The following SAMD12 variants were observed in gnomAD, a reference collection of about 807,000 sequenced individuals.
SAMD12 encodes the protein sterile alpha motif domain-containing protein 12.
In SAMD12, 9 loss-of-function variants were observed where a neutral mutation model predicts 15.0. The ratio of observed to expected loss-of-function variants is 0.60; its 90% CI spans 0.36 to 1.05. The LOEUF (loss-of-function observed/expected upper bound fraction) is 1.05, where lower values mean the gene tolerates loss of function less well. Ranked by LOEUF, SAMD12 falls within the 50% of genes least tolerant of loss-of-function variation. The pLI is 0.01. For synonymous variants in SAMD12, 86 were observed against 90.1 expected (o/e 0.96, Z 0.25); for missense variants, 230 against 234.2 (o/e 0.98, Z 0.12).
intron 4 of SAMD12, among the ~76,000 whole-genome samples, chr8:118,210,765 CCA>C (rs1811796202): frequency 6.6e-6 from 1 of 152,114 alleles, no homozygotes; most frequent in Non-Finnish European, 1.5e-5. Flanking sequence ...ATCCTTCTGC[CCA>C]AATTCTACCC....
intron 2 of SAMD12, among the ~76,000 whole-genome samples, chr8:118,465,565 G>A (rs1269820203): frequency 6.6e-6 from 1 of 152,086 alleles, no homozygotes; most frequent in Non-Finnish European, 1.5e-5. Context: ...CACACACACA[G>A]CAAAGGGTAA....
At chr8:118,321,068 CAAG>C (rs1158379615) in intron 4 of SAMD12, among the ~76,000 whole-genome samples, 23 of 139,242 alleles carry the variant, frequency 1.7e-4, no homozygotes, top group African/African-American at 5.6e-4. Context: ...TGAATTTCAG[CAAG>C]AAGTTGATGA....
At chr8:118,163,767 C>A in the SAMD12 span, among the ~76,000 whole-genome samples, 1 of 152,100 alleles carries the variant, frequency 6.6e-6, no homozygotes, top group Non-Finnish European at 1.5e-5. Flanking sequence ...CCCAGCTACT[C>A]AGGAGGCTGA....
intron 3 of SAMD12, among the ~76,000 whole-genome samples, chr8:118,434,327 TG>T (rs373234468): frequency 1.3e-4 from 20 of 152,374 alleles, no homozygotes; most frequent in African/African-American, 4.3e-4. Flanking sequence ...GATACTCATA[TG>T]ACAACTATTT....
intron 1 of SAMD12, among the ~76,000 whole-genome samples, chr8:118,588,625 C>T (rs1379313003): frequency 2.0e-5 from 3 of 152,280 alleles, no homozygotes; most frequent in East Asian, 3.9e-4. Flanking sequence ...ACACAGACCA[C>T]GTGGCCTGCA....
chr8:118,448,750 A>G (rs9656928), intron 2 of SAMD12, among the ~76,000 whole-genome samples: 104,681 of 152,076 alleles, frequency 0.69, 36,138 homozygotes, highest in Middle Eastern at 0.75. Context: ...GTGATGTGAT[A>G]AAACAAACTT....
At chr8:118,374,855 C>T (rs557943649), downstream of SAMD12, among the ~76,000 whole-genome samples, 4 of 151,616 alleles carry the variant, frequency 2.6e-5, no homozygotes, top group Admixed American at 2.0e-4. Context: ...GAGTTATAGA[C>T]GTTTCTTATA....
chr8:118,235,993 T>C (rs1044805926), intron 4 of SAMD12, among the ~76,000 whole-genome samples: 9 of 152,194 alleles, frequency 5.9e-5, no homozygotes, highest in African/African-American at 2.2e-4. Flanking sequence ...CTAATCTCTT[T>C]AAGCCTCTTA....
At chr8:118,544,081 T>G (rs1484523690) in intron 2 of SAMD12, among the ~76,000 whole-genome samples, 1 of 150,674 alleles carries the variant, frequency 6.6e-6, no homozygotes, top group Non-Finnish European at 1.5e-5. Context: ...CACCCAAAAC[T>G]GAAACTCTCC....
At chr8:118,365,654 G>A (rs1818725767) in intron 4 of SAMD12, among the ~76,000 whole-genome samples, 1 of 151,842 alleles carries the variant, frequency 6.6e-6, no homozygotes, top group Admixed American at 6.6e-5. Context: ...CAGATCGTGG[G>A]ACTTCTCAGC....
chr8:118,449,718 G>C (rs371676193), intron 2 of SAMD12, among the ~76,000 whole-genome samples: 1 of 148,314 alleles, frequency 6.7e-6, no homozygotes, highest in African/African-American at 2.5e-5. Flanking sequence ...GGAGAATGGC[G>C]TGAACCCGGG....
At chr8:118,308,682 C>A (rs1393445903) in intron 4 of SAMD12, among the ~76,000 whole-genome samples, 1 of 150,706 alleles carries the variant, frequency 6.6e-6, no homozygotes, top group East Asian at 1.9e-4. Context: ...AAAATGCCTT[C>A]CATTTCAAAA....
At chr8:118,269,234 G>C (rs940709560) in intron 4 of SAMD12, among the ~76,000 whole-genome samples, 151 of 149,970 alleles carry the variant, frequency 1.0e-3, no homozygotes, top group African/African-American at 1.9e-3. Context: ...GTGTGTGTGT[G>C]TGTGTGTGTG....
chr8:118,162,031 A>G, the SAMD12 span, among the ~76,000 whole-genome samples: 109,671 of 150,698 alleles, frequency 0.73, 41,491 homozygotes, highest in Non-Finnish European at 0.84. Context: ...ATGGTGGCGC[A>G]TGCCTGTAGT....
downstream of SAMD12, among the ~76,000 whole-genome samples, chr8:118,187,999 A>G (rs139961199): frequency 6.6e-6 from 1 of 151,950 alleles, no homozygotes; most frequent in African/African-American, 2.4e-5. Context: ...TAACTGCTCT[A>G]CCCTAAAAAG....
intron 2 of SAMD12, among the ~76,000 whole-genome samples, chr8:118,497,725 G>C (rs1276264356): frequency 5.1e-5 from 3 of 58,794 alleles, no homozygotes; most frequent in African/African-American, 1.6e-4. Context: ...TTAAGTTGCG[G>C]GGGGGGGTGG....
At chr8:118,436,430 C>G (rs1372720339) in intron 3 of SAMD12, among the ~76,000 whole-genome samples, 1 of 152,178 alleles carries the variant, frequency 6.6e-6, no homozygotes, top group East Asian at 1.9e-4. Flanking sequence ...GACCTATGAT[C>G]AGAAAACCTA....
At chr8:118,434,311 GTA>G (rs1296751583) in intron 3 of SAMD12, among the ~76,000 whole-genome samples, 1 of 152,190 alleles carries the variant, frequency 6.6e-6, no homozygotes, top group Non-Finnish European at 1.5e-5. Flanking sequence ...GGAATCATTT[GTA>G]AGCGATACTC....
intron 4 of SAMD12, among the ~76,000 whole-genome samples, chr8:118,346,449 C>G (rs1306501071): frequency 6.6e-6 from 1 of 152,092 alleles, no homozygotes; most frequent in African/African-American, 2.4e-5. Context: ...TCCACATGAG[C>G]CTTCGGAACC....
Sources: gnomAD v4.1 joint callset for allele counts (sites outside exome capture counted in the v4.1 genomes callset) on GRCh38, gnomAD v4.1.1 for gene constraint, MANE v1.5 for transcripts, NCBI Gene and HGNC (gene_info 2026-07-23, HGNC 2026-07-21) for gene names.